Variants in SPAG17 observed in about 807,000 individuals in gnomAD.
The protein encoded by SPAG17 is sperm-associated antigen 17.
In SPAG17, 169 loss-of-function variants were observed where a neutral mutation model predicts 273.6. That is an observed-to-expected ratio of 0.62 (90% CI 0.55 to 0.70). The LOEUF (loss-of-function observed/expected upper bound fraction) is 0.70, where lower values mean the gene tolerates loss of function less well. Ranked by LOEUF, SPAG17 falls within the 30% of genes least tolerant of loss-of-function variation. The pLI is 0.00. For synonymous variants in SPAG17, 825 were observed against 873.2 expected (o/e 0.94, Z 0.97); for missense variants, 2,557 against 2,627.8 (o/e 0.97, Z 0.59).
intron 20 of SPAG17, among the ~76,000 whole-genome samples, chr1:118,051,942 C>G (rs1391181692): frequency 7.5e-6 from 1 of 134,096 alleles, no homozygotes; most frequent in Non-Finnish European, 1.5e-5. Context: ...ATATATAATA[C>G]TATGTATACA....
chr1:118,141,787 A>T (rs1325132385), intron 3 of SPAG17, among the ~76,000 whole-genome samples: 2 of 152,226 alleles, frequency 1.3e-5, no homozygotes, highest in African/African-American at 4.8e-5. Flanking sequence ...TTTTAAAATT[A>T]TTTATTTTAG....
intron 3 of SPAG17, among the ~76,000 whole-genome samples, chr1:118,146,167 T>G (rs1231497079): frequency 1.3e-5 from 2 of 152,228 alleles, no homozygotes; most frequent in African/African-American, 4.8e-5. Flanking sequence ...ACCTAAAATT[T>G]GCACATTTAT....
Position 118,012,180 on chromosome 1 carries a change from G to A in SPAG17, c.4432+48C>T, listed in dbSNP as rs374040350. The A allele has an allele frequency of 1.5e-5, 24 of 1,564,450 alleles. No homozygotes were observed. In the East Asian group the frequency reaches 1.6e-4, roughly 10 times the overall value. ...TCAGTGAGGATTCTATCTAACTTAC[G>A]CTAAAGAGTTATAAAATATTGTCAT... On this transcript the variant is annotated intron_variant, in intron 30 of 48. Coordinates refer to ENST00000336338, the MANE Select transcript of SPAG17 (RefSeq NM_206996.4).
rs764875698 is a variant in SPAG17, at chr1:117,984,821, G to T, written c.5670-39C>A. 3.0e-6 allele frequency: 4 copies of T among 1,316,236 alleles called. No homozygotes were observed. In the South Asian group the frequency reaches 3.7e-5, roughly 12 times the overall value. 81.5% of individuals were successfully genotyped at this position (1,316,236 alleles called of 1,614,324 possible). A position where few individuals can be genotyped will look rare whatever the true frequency, so the allele number is the denominator to read the frequency against. On this transcript the variant is annotated intron_variant, in intron 40 of 48. Transcript: ENST00000336338. ...CCATGATGATGCAAAAGAAGACATA[G>T]AATATTTTAAAGTGTTGTTTGTTTG...
intron 48 of SPAG17, 191 bp from the exon 49 acceptor site, chr1:117,954,240 A>AT (rs921128899): frequency 1.4e-6 from 1 of 727,742 alleles, no homozygotes; most frequent in African/African-American, 1.8e-5. Context: ...ATTAGAAGAA[A>AT]TTGAGGAAGT....
At chr1:118,097,990 A>G in intron 6 of SPAG17, 139 bp from the exon 7 acceptor site, 1 of 492,256 alleles carries the variant, frequency 2.0e-6, no homozygotes, top group Non-Finnish European at 3.3e-6. Flanking sequence ...TAATTTTGAT[A>G]AATTTTTGAA....
At chr1:118,006,222 C>T (rs922100488) in intron 31 of SPAG17, among the ~76,000 whole-genome samples, 10 of 152,206 alleles carry the variant, frequency 6.6e-5, no homozygotes, top group Admixed American at 4.6e-4. Flanking sequence ...CTTTTATCAT[C>T]GCCCAAAGAA....
At position 117,963,873 on chromosome 1, in the gene SPAG17, T is replaced by C. The variant is rs1362278143; in HGVS notation, c.6598A>G (p.Met2200Val). Reference sequence around the variant, plus strand: ...TAAATTGTAGAAGTTCTCTGGACCATTGGATTTTCTTTTCCCTGGGGAAAG... The same window carrying C: ...TAAATTGTAGAAGTTCTCTGGACCACTGGATTTTCTTTTCCCTGGGGAAAG... ...KDFPQGKENP[M>V]VQRTSTIYSS... is the part of the protein sequence containing the mutation. The change falls in exon 48 of 49, where the codon ATG (methionine) becomes GTG (valine). Residue 2200 changes from methionine to valine, a missense_variant. Physicochemically the swap from Met to Val is conservative, Grantham distance 21. Transcript: ENST00000336338. The C allele has an allele frequency of 5.6e-6, 9 of 1,613,928 alleles. No homozygotes were observed. Among genetic ancestry groups the C allele is most frequent in the South Asian group, 5.5e-5 (5 of 91,062 alleles).
chr1:118,057,707 A>T (rs1375352203), intron 18 of SPAG17, among the ~76,000 whole-genome samples: 2 of 152,150 alleles, frequency 1.3e-5, no homozygotes, highest in Non-Finnish European at 2.9e-5. Context: ...AAGCAGTATG[A>T]TTTACAATTA....
chr1:118,158,885 G>A (rs10923501), intron 1 of SPAG17, among the ~76,000 whole-genome samples: 15,926 of 152,240 alleles, frequency 0.1, 2,316 homozygotes, highest in African/African-American at 0.33. Context: ...TGCTAATGGC[G>A]GTATTTAAGG....
intron 1 of SPAG17, among the ~76,000 whole-genome samples, chr1:118,180,845 G>A (rs149256910): frequency 1.3e-3 from 193 of 152,058 alleles, no homozygotes; most frequent in African/African-American, 4.5e-3. Flanking sequence ...GTAAAAAAAT[G>A]CATGGACAAA....
chr1:117,994,769 G>A (rs948403143), intron 34 of SPAG17, among the ~76,000 whole-genome samples: 7 of 151,964 alleles, frequency 4.6e-5, no homozygotes, highest in African/African-American at 1.5e-4. Context: ...ACACCTCATC[G>A]TCCCTCACCA....
At position 117,971,853 on chromosome 1, in the gene SPAG17, T is replaced by A. The variant is rs753932978; in HGVS notation, c.6326+10A>T. The A allele has an allele frequency of 4.3e-6, 7 of 1,610,856 alleles. No homozygotes were observed. Among genetic ancestry groups the A allele is most frequent in the Non-Finnish European group, 5.9e-6 (7 of 1,178,360 alleles). On this transcript the variant is annotated intron_variant, in intron 45 of 48. Transcript: ENST00000336338. ...GTAACCTGAGCAGACCTTTGGTCCC[T>A]TGGCCTCACCTGCAGAAGTCCACTC...
At chr1:117,987,943 C>G in intron 39 of SPAG17, 62 bp from the exon 40 acceptor site, 2 of 1,573,138 alleles carry the variant, frequency 1.3e-6, no homozygotes, top group Admixed American at 1.7e-5. Context: ...AAAAACAAAA[C>G]CAAAAACCCT....
intron 32 of SPAG17, among the ~76,000 whole-genome samples, chr1:117,999,072 C>T (rs1355078373): frequency 6.7e-6 from 1 of 149,670 alleles, no homozygotes; most frequent in Admixed American, 6.8e-5. Flanking sequence ...TAAGTGAGAA[C>T]ATGTGGTGTT....
intron 26 of SPAG17, among the ~76,000 whole-genome samples, chr1:118,027,518 A>C (rs1166901335): frequency 6.6e-6 from 1 of 152,180 alleles, no homozygotes; most frequent in Non-Finnish European, 1.5e-5. Flanking sequence ...CATGACCCTG[A>C]GACCCTAAGT....
In SPAG17 at chr1:118,185,196, C is replaced by T; in HGVS notation, c.-39G>A. The T allele has an allele frequency of 1.3e-6, 2 of 1,530,830 alleles. No homozygotes were observed. Among genetic ancestry groups the T allele is most frequent in the Non-Finnish European group, 1.8e-6 (2 of 1,104,220 alleles). The allele number at this position is 1,530,830 out of a possible 1,614,324, so 94.8% of individuals were successfully genotyped here. A position where few individuals can be genotyped will look rare whatever the true frequency, so the allele number is the denominator to read the frequency against. On this transcript the variant is annotated 5_prime_UTR_variant, in exon 1 of 49. Transcript: ENST00000336338. ...GAAGCATTGGCCTCTAAACTGGGCG[C>T]AGGCCCTGCCTAAGCGTCCCCGCTA...
At chr1:118,028,143 C>T (rs1647976236) in intron 26 of SPAG17, 131 bp downstream of exon 26, 1 of 1,100,998 alleles carries the variant, frequency 9.1e-7, no homozygotes, top group Admixed American at 2.4e-5. Flanking sequence ...GTAAATGCTA[C>T]AAATGTGAAA....
chr1:118,138,713 C>T (rs1307538818), intron 3 of SPAG17, among the ~76,000 whole-genome samples: 1 of 152,108 alleles, frequency 6.6e-6, no homozygotes, highest in East Asian at 1.9e-4. Context: ...TACTGAATTA[C>T]TACCGTTAAA....
Sources: gnomAD v4.1 joint callset for allele counts (sites outside exome capture counted in the v4.1 genomes callset) on GRCh38, gnomAD v4.1.1 for gene constraint, MANE v1.5 for transcripts, NCBI Gene and HGNC (gene_info 2026-07-23, HGNC 2026-07-21) for gene names.